RAPGEF5: variants seen among roughly 807,000 people sequenced by gnomAD.
RAPGEF5 encodes M-Ras-regulated GEF.
A neutral mutation model predicts 125.2 loss-of-function variants in RAPGEF5; 65 were observed. The ratio of observed to expected loss-of-function variants is 0.52; its 90% CI spans 0.43 to 0.64. RAPGEF5 has a LOEUF of 0.64. Among genes scored for constraint, RAPGEF5 ranks in the 30% least tolerant of loss-of-function variants. RAPGEF5 has a pLI of 0.00. For missense variants in RAPGEF5, 958 were observed against 1,048.1 expected (o/e 0.91, Z 1.19); for synonymous variants, 391 against 385.9 (o/e 1.01, Z -0.16).
chr7:22,193,777 G>A (rs895345252), intron 10 of RAPGEF5, 138 bp downstream of exon 10: 15 of 1,590,692 alleles, frequency 9.4e-6, no homozygotes, highest in Middle Eastern at 3.3e-4. Flanking sequence ...CAGCTAGAAC[G>A]CTGGAGAGGC....
chr7:22,269,304 T>C (rs1158806937), intron 6 of RAPGEF5, among the ~76,000 whole-genome samples: 1 of 152,150 alleles, frequency 6.6e-6, no homozygotes, highest in Non-Finnish European at 1.5e-5. Context: ...CTACAGCATC[T>C]TCACAGTTCT....
chr7:22,266,764 C>T (rs946917044), intron 7 of RAPGEF5, among the ~76,000 whole-genome samples, 200 bp downstream of exon 7: 2 of 152,090 alleles, frequency 1.3e-5, no homozygotes, highest in African/African-American at 2.4e-5. Context: ...AAAGCAGTGA[C>T]ATTTTATCTT....
intron 6 of RAPGEF5, among the ~76,000 whole-genome samples, chr7:22,284,655 T>C (rs959119003): frequency 6.6e-6 from 1 of 152,248 alleles, no homozygotes; most frequent in African/African-American, 2.4e-5. Context: ...ATGTTCATGA[T>C]CCTGTGGCAG....
At chr7:22,292,074 A>G (rs142450856) in intron 5 of RAPGEF5, among the ~76,000 whole-genome samples, 33 of 152,288 alleles carry the variant, frequency 2.2e-4, no homozygotes, top group Non-Finnish European at 3.7e-4. Context: ...ATCCCTTTCA[A>G]TGTATGCTGT....
chr7:22,293,859 A>C (rs1465646193), intron 5 of RAPGEF5, among the ~76,000 whole-genome samples: 1 of 152,146 alleles, frequency 6.6e-6, no homozygotes, highest in Non-Finnish European at 1.5e-5. Flanking sequence ...GTCACTTTTT[A>C]CCTTAAACCT....
intron 1 of RAPGEF5, among the ~76,000 whole-genome samples, chr7:22,334,717 G>A (rs1783992845): frequency 6.6e-6 from 1 of 152,122 alleles, no homozygotes; most frequent in South Asian, 2.1e-4. Context: ...TAATATTAAT[G>A]CATTTATTAT....
intron 11 of RAPGEF5, among the ~76,000 whole-genome samples, chr7:22,174,399 T>C (rs76205981): frequency 0.071 from 10,783 of 152,158 alleles, 447 homozygotes; most frequent in Middle Eastern, 0.14. Context: ...GTTGACAAAA[T>C]TTAAAAGTCA....
chr7:22,198,299 C>G (rs1324716593), intron 9 of RAPGEF5, among the ~76,000 whole-genome samples: 1 of 152,192 alleles, frequency 6.6e-6, no homozygotes, highest in African/African-American at 2.4e-5. Context: ...AGGGCACTGG[C>G]CTGCCCTGCT....
At chr7:22,277,378 T>C (rs959607451) in intron 6 of RAPGEF5, among the ~76,000 whole-genome samples, 24 of 152,228 alleles carry the variant, frequency 1.6e-4, no homozygotes, top group Admixed American at 4.6e-4. Flanking sequence ...TAACAAGAAA[T>C]GTGCATTAGT....
intron 23 of RAPGEF5, among the ~76,000 whole-genome samples, chr7:22,133,077 C>T (rs1001535282): frequency 6.6e-6 from 1 of 152,230 alleles, no homozygotes; most frequent in African/African-American, 2.4e-5. Context: ...GAAAGTGCTT[C>T]CCTCCTCACT....
At chr7:22,353,231 A>G (rs934187223) in intron 1 of RAPGEF5, among the ~76,000 whole-genome samples, 9 of 152,252 alleles carry the variant, frequency 5.9e-5, no homozygotes, top group African/African-American at 2.2e-4. Context: ...CTGGCATGAA[A>G]AAAGGGAGGG....
At chr7:22,234,048 T>C (rs948973946) in intron 7 of RAPGEF5, among the ~76,000 whole-genome samples, 3 of 152,140 alleles carry the variant, frequency 2.0e-5, no homozygotes, top group Non-Finnish European at 2.9e-5. Flanking sequence ...TAAATAACAT[T>C]ATTTTCTTGG....
At chr7:22,259,307 TA>T (rs1369784451) in intron 7 of RAPGEF5, among the ~76,000 whole-genome samples, 1 of 152,204 alleles carries the variant, frequency 6.6e-6, no homozygotes, top group African/African-American at 2.4e-5. Context: ...ACTACACATC[TA>T]TTAAAAGGGC....
chr7:22,243,059 C>T (rs1786381164), intron 7 of RAPGEF5, among the ~76,000 whole-genome samples: 1 of 152,058 alleles, frequency 6.6e-6, no homozygotes, highest in East Asian at 1.9e-4. Context: ...ACCACAGAGC[C>T]ACTGTCAAAA....
At chr7:22,339,863 G>A (rs1018601795) in intron 1 of RAPGEF5, among the ~76,000 whole-genome samples, 4 of 152,190 alleles carry the variant, frequency 2.6e-5, no homozygotes, top group African/African-American at 9.7e-5. Flanking sequence ...AAAGCAGGTA[G>A]TTTTGAAAAT....
rs191192148 is a variant in RAPGEF5 at position 22,176,552 on chromosome 7, T to C, written c.1205-9404A>G. Among the ~76,000 whole-genome samples, 4 of 152,242 alleles carry C rather than the reference T, an allele frequency of 2.6e-5. No homozygotes were observed. In the East Asian group the frequency reaches 7.7e-4, roughly 29 times the overall value. On this transcript the variant is annotated intron_variant, in intron 11 of 25. Transcript: ENST00000665637. ...TTGTTTGTTTATTTTTGAGATAGAG[T>C]CTTGCTCTGTCGCCCAGGCTGGATG...
intron 7 of RAPGEF5, among the ~76,000 whole-genome samples, chr7:22,245,476 A>T (rs1171623199): frequency 6.6e-6 from 1 of 151,752 alleles, no homozygotes; most frequent in East Asian, 1.9e-4. Context: ...TCTATTTTTC[A>T]TTTGTTTTTG....
chr7:22,263,352 T>C (rs1782202908), intron 7 of RAPGEF5, among the ~76,000 whole-genome samples: 1 of 152,240 alleles, frequency 6.6e-6, no homozygotes. Context: ...TCTAAAGTTA[T>C]CTCAAAAGAG....
At position 22,308,518 on chromosome 7, in the gene RAPGEF5, C is replaced by G; in HGVS notation, c.512-11G>C. On this transcript the variant is annotated splice_polypyrimidine_tract_variant and intron_variant, in intron 4 of 25. Coordinates refer to ENST00000665637, the MANE Select transcript of RAPGEF5 (RefSeq NM_012294.5). ...ATAGATGCTGGTCCACTGTTTGAAACAAAAAATATATAGATCAATTTTTTA... is the reference window on the plus strand; with the variant it reads ...ATAGATGCTGGTCCACTGTTTGAAAGAAAAAATATATAGATCAATTTTTTA... 7 of 1,492,986 alleles carry G rather than the reference C, an allele frequency of 4.7e-6. No homozygotes were observed. The highest frequency in any genetic ancestry group is 6.3e-6 in the Non-Finnish European group (7 of 1,113,136). The allele number at this position is 1,492,986 out of a possible 1,614,324, so 92.5% of individuals were successfully genotyped here.
Sources: gnomAD v4.1 joint callset for allele counts (sites outside exome capture counted in the v4.1 genomes callset) on GRCh38, gnomAD v4.1.1 for gene constraint, MANE v1.5 for transcripts, NCBI Gene and HGNC (gene_info 2026-07-23, HGNC 2026-07-21) for gene names.